The following OTUD4 variants were observed in gnomAD, a reference collection of about 807,000 sequenced individuals.
OTUD4 encodes the protein OTU deubiquitinase 4, also known as OTU domain-containing protein 4.
In OTUD4, 24 loss-of-function variants were observed where a neutral mutation model predicts 130.4. The ratio of observed to expected loss-of-function variants is 0.18; its 90% CI spans 0.13 to 0.26. The LOEUF (loss-of-function observed/expected upper bound fraction) is 0.26. Among genes scored for constraint, OTUD4 ranks in the 10% least tolerant of loss-of-function variants. OTUD4 has a pLI of 1.00. For missense variants in OTUD4, 1,031 were observed against 1,329.4 expected (o/e 0.78, Z 3.49); for synonymous variants, 420 against 472.5 (o/e 0.89, Z 1.44).
intron 14 of OTUD4, 174 bp downstream of exon 14, chr4:145,146,093 A>C: frequency 2.4e-6 from 1 of 424,134 alleles, no homozygotes; most frequent in East Asian, 3.7e-5. Flanking sequence ...CTAGGTCTAG[A>C]GATATTACTA....
chr4:145,146,232 G>A, intron 14 of OTUD4, 35 bp downstream of exon 14: 1 of 1,398,092 alleles, frequency 7.2e-7, no homozygotes, highest in Non-Finnish European at 9.5e-7. Flanking sequence ...AGAAACTTCT[G>A]TATAATGACT....
At chr4:145,155,758 A>G in intron 8 of OTUD4, 72 bp from the exon 9 acceptor site, 1 of 1,114,346 alleles carries the variant, frequency 9.0e-7, no homozygotes, top group Non-Finnish European at 1.3e-6. Context: ...TACACGTAAA[A>G]CTAAAGTCAA....
In OTUD4 at chr4:145,179,897, T is replaced by G. The variant is rs1286997465; in HGVS notation, c.77A>C (p.Asp26Ala). The G allele has an allele frequency of 2.6e-6, 4 of 1,526,562 alleles. No individual in the cohort carries two copies. In the Admixed American group the frequency reaches 7.9e-5, roughly 30 times the overall value. 94.6% of individuals were successfully genotyped at this position (1,526,562 alleles called of 1,614,324 possible). The change falls in exon 1 of 21, where the codon GAC (aspartate) becomes GCC (alanine). Residue 26 changes from aspartate (D) to alanine (A), a missense_variant. Transcript: ENST00000447906. ...AGPREDATPMDAYLRKLGLYR... is the reference protein window; with the variant it reads ...AGPREDATPMAAYLRKLGLYR... The stretch of plus-strand genomic sequence containing the variant: ...CAAGCCCAGTTTCCGCAGATAGGCG[T>G]CCATGGGCGTCGCGTCCTCGCGGGG...
At chr4:145,154,182 G>A (rs1013532102) in intron 10 of OTUD4, among the ~76,000 whole-genome samples, 5 of 152,080 alleles carry the variant, frequency 3.3e-5, no homozygotes, top group African/African-American at 1.2e-4. Context: ...TTTAAACCCT[G>A]GATTTAATCT....
intron 10 of OTUD4, among the ~76,000 whole-genome samples, chr4:145,152,988 G>A (rs1289864863): frequency 6.6e-6 from 1 of 151,776 alleles, no homozygotes; most frequent in Non-Finnish European, 1.5e-5. Flanking sequence ...ACCCGCCTAG[G>A]CCTCCCGAAG....
chr4:145,174,155 G>A (rs1391054716), intron 2 of OTUD4, among the ~76,000 whole-genome samples: 1 of 152,082 alleles, frequency 6.6e-6, no homozygotes, highest in African/African-American at 2.4e-5. Context: ...TCAGGCATGT[G>A]CCACCATGCC....
rs772938029 is a variant in OTUD4, at chr4:145,159,556, T to C, written c.576A>G (p.Glu192=). The change falls in exon 7 of 21, where the codon GAA becomes GAG. Residue 192 remains glutamate (E), a synonymous_variant. Transcript: ENST00000447906. ...TTTCACTGTTATCTTCATCAGCTAC[T>C]TCCAACGTGTCTAGTTCCATCACAA... ...SKIVMELDTL[E]VADEDNSEIS... The C allele has an allele frequency of 1.3e-5, 21 of 1,613,358 alleles. No homozygotes were observed. The highest frequency in any genetic ancestry group is 1.2e-4 in the South Asian group (11 of 91,064).
chr4:145,147,458 T>C (rs867259969), intron 13 of OTUD4, among the ~76,000 whole-genome samples: 3 of 152,162 alleles, frequency 2.0e-5, no homozygotes, highest in African/African-American at 7.2e-5. Flanking sequence ...TCAGCAACTG[T>C]CAGGAGTCTC....
Position 145,134,594 on chromosome 4 carries a change from T to C in OTUD4, c.*2836A>G, listed in dbSNP as rs183922126. 2.0e-5 allele frequency: 8 copies of C among 397,652 alleles called. No homozygotes were observed. Among genetic ancestry groups the C allele is most frequent in the South Asian group, 1.4e-4 (1 of 7,096 alleles). 24.6% of individuals were successfully genotyped at this position (397,652 alleles called of 1,614,324 possible). A position where few individuals can be genotyped will look rare whatever the true frequency, so the allele number is the denominator to read the frequency against. On this transcript the variant is annotated 3_prime_UTR_variant, in exon 21 of 21. Transcript: ENST00000447906. ...CTGCATTAAATAAGATATATCAGCA[T>C]TGTGGTCTGGGAAAACCTATGCTTG...
chr4:145,139,465 T>C (rs374399572), intron 20 of OTUD4, among the ~76,000 whole-genome samples: 7 of 152,352 alleles, frequency 4.6e-5, no homozygotes, highest in East Asian at 3.9e-4. Context: ...CCTCTGCTCT[T>C]CTAGTCAACA....
Position 145,171,733 on chromosome 4 carries a change from AATCT to A in OTUD4, c.244-17_244-14del, listed in dbSNP as rs1752179105. The A allele has an allele frequency of 1.7e-6, 2 of 1,157,114 alleles. No homozygotes were observed. Among genetic ancestry groups the A allele is most frequent in the African/African-American group, 3.0e-5 (2 of 65,802 alleles). 71.7% of individuals were successfully genotyped at this position (1,157,114 alleles called of 1,614,324 possible). A position where few individuals can be genotyped will look rare whatever the true frequency, so the allele number is the denominator to read the frequency against. On this transcript the variant is annotated splice_polypyrimidine_tract_variant and intron_variant, in intron 2 of 20. Transcript: ENST00000447906. ...ATCCTTCTATAAACTGCAAAAAATAAATCTATTAGAAATGTCATCTAACATATAT... is the reference window on the plus strand; with the variant it reads ...ATCCTTCTATAAACTGCAAAAAATAAATTAGAAATGTCATCTAACATATAT...
At chr4:145,151,138 C>T (rs1376426868) in intron 11 of OTUD4, among the ~76,000 whole-genome samples, 1 of 151,976 alleles carries the variant, frequency 6.6e-6, no homozygotes, top group Non-Finnish European at 1.5e-5. Context: ...AGTTGAATCA[C>T]AATCTAAGCA....
intron 10 of OTUD4, among the ~76,000 whole-genome samples, chr4:145,154,358 C>A (rs936109575): frequency 6.6e-6 from 1 of 152,166 alleles, no homozygotes; most frequent in Non-Finnish European, 1.5e-5. Flanking sequence ...ATTGAAGGTT[C>A]TTAAAATAAA....
intron 1 of OTUD4, chr4:145,178,645 T>G (rs549412595): frequency 6.6e-6 from 1 of 152,182 alleles, no homozygotes; most frequent in Non-Finnish European, 1.5e-5. Context: ...GTCCGCAACA[T>G]AAAGCAACGG....
At chr4:145,143,754 A>T (rs1750692171) in intron 16 of OTUD4, among the ~76,000 whole-genome samples, 192 bp downstream of exon 16, 1 of 152,172 alleles carries the variant, frequency 6.6e-6, no homozygotes, top group South Asian at 2.1e-4. Flanking sequence ...AGGGCACCCT[A>T]ATGTACCTTG....
intron 16 of OTUD4, 69 bp downstream of exon 16, chr4:145,143,868 CCTTCTTCCA>C (rs1750698539): frequency 4.6e-6 from 5 of 1,083,842 alleles, no homozygotes; most frequent in Admixed American, 2.0e-5. Flanking sequence ...ATTATTTTCA[CCTTCTTCCA>C]CTTCTTCCTA....
At chr4:145,169,201 T>C (rs1475200461) in intron 3 of OTUD4, among the ~76,000 whole-genome samples, 2 of 152,246 alleles carry the variant, frequency 1.3e-5, no homozygotes, top group Non-Finnish European at 2.9e-5. Context: ...TCCTTTATGA[T>C]GTTTGCTGTG....
intron 6 of OTUD4, among the ~76,000 whole-genome samples, chr4:145,161,264 G>GA (rs1233568828): frequency 3.3e-5 from 5 of 152,154 alleles, no homozygotes; most frequent in African/African-American, 1.2e-4. Context: ...CAGGCACTTA[G>GA]AATCACAGGA....
At chr4:145,141,311 CTCT>C in intron 19 of OTUD4, 65 bp downstream of exon 19, 1 of 1,393,728 alleles carries the variant, frequency 7.2e-7, no homozygotes, top group Non-Finnish European at 9.6e-7. Context: ...CTACTTACAT[CTCT>C]TCATTTCTTA....
Sources: gnomAD v4.1 joint callset for allele counts (sites outside exome capture counted in the v4.1 genomes callset) on GRCh38, gnomAD v4.1.1 for gene constraint, MANE v1.5 for transcripts, NCBI Gene and HGNC (gene_info 2026-07-23, HGNC 2026-07-21) for gene names.